PEPD: variants seen among roughly 807,000 people sequenced by gnomAD.
PEPD encodes the protein peptidase D, also known as xaa-Pro dipeptidase.
A neutral mutation model predicts 60.7 loss-of-function variants in PEPD; 53 were observed. The ratio of observed to expected loss-of-function variants is 0.87; its 90% CI spans 0.70 to 1.10. The LOEUF is 1.10. Among genes scored for constraint, PEPD ranks in the 50% least tolerant of loss-of-function variants. The probability of loss-of-function intolerance (pLI) is 0.00; values close to 1 mark genes in which losing one functional copy is unlikely to be tolerated. For missense variants in PEPD, 711 were observed against 711.9 expected (o/e 1.00, Z 0.01); for synonymous variants, 267 against 284.1 (o/e 0.94, Z 0.60).
chr19:33,404,456 A>AC, intron 11 of PEPD, among the ~76,000 whole-genome samples: 1 of 108,028 alleles, frequency 9.3e-6, no homozygotes, highest in East Asian at 2.4e-4. Context: ...TATCGTTTAA[A>AC]AAACAACAAC....
intron 11 of PEPD, among the ~76,000 whole-genome samples, chr19:33,405,585 C>T (rs868168181): frequency 2.0e-5 from 3 of 152,368 alleles, no homozygotes; most frequent in Middle Eastern, 3.4e-3. Context: ...TTCCCTTCAT[C>T]TGCCCCAGTG....
chr19:33,397,003 T>C (rs2145337830), intron 12 of PEPD, among the ~76,000 whole-genome samples: 1 of 152,214 alleles, frequency 6.6e-6, no homozygotes. Context: ...GGGGTCTGCA[T>C]GGGGTGGGCA....
At chr19:33,499,034 T>A (rs1251336475) in intron 4 of PEPD, among the ~76,000 whole-genome samples, 1 of 151,784 alleles carries the variant, frequency 6.6e-6, no homozygotes, top group East Asian at 2.0e-4. Context: ...AAGGAGAGGG[T>A]CGGAAGGAAA....
At chr19:33,441,130 CGAT>C (rs1216557884) in intron 9 of PEPD, among the ~76,000 whole-genome samples, 2 of 152,214 alleles carry the variant, frequency 1.3e-5, no homozygotes, top group Non-Finnish European at 2.9e-5. Context: ...CATCTGGAAA[CGAT>C]GTCTGATCCT....
intron 1 of PEPD, among the ~76,000 whole-genome samples, chr19:33,520,661 C>T (rs1971114342): frequency 6.6e-6 from 1 of 152,138 alleles, no homozygotes; most frequent in Admixed American, 6.5e-5. Context: ...AACTTAGAAC[C>T]CACTTTCTGT....
intron 9 of PEPD, among the ~76,000 whole-genome samples, chr19:33,459,067 G>A (rs1969878728): frequency 6.6e-6 from 1 of 152,036 alleles, no homozygotes; most frequent in Admixed American, 6.6e-5. Context: ...ACTCACAAGG[G>A]ACTGACGGGG....
chr19:33,474,429 ACAC>A (rs1243867929), intron 7 of PEPD, among the ~76,000 whole-genome samples: 11 of 152,260 alleles, frequency 7.2e-5, no homozygotes, highest in African/African-American at 2.7e-4. Flanking sequence ...GCTTAGCACA[ACAC>A]CTTGTACACA....
At chr19:33,432,483 C>T (rs1969294686) in intron 9 of PEPD, among the ~76,000 whole-genome samples, 1 of 152,226 alleles carries the variant, frequency 6.6e-6, no homozygotes, top group South Asian at 2.1e-4. Context: ...CTCAGGTTTC[C>T]ACTGCAGACA....
chr19:33,519,380 T>C (rs950043253), intron 1 of PEPD, among the ~76,000 whole-genome samples: 1 of 152,188 alleles, frequency 6.6e-6, no homozygotes, highest in African/African-American at 2.4e-5. Flanking sequence ...CCTGGAACTC[T>C]CATGGACCCC....
intron 1 of PEPD, among the ~76,000 whole-genome samples, chr19:33,521,447 C>T (rs552648804): frequency 1.3e-5 from 2 of 152,346 alleles, no homozygotes; most frequent in African/African-American, 4.8e-5. Context: ...GGGGTCTTGG[C>T]AGCGAACATG....
chr19:33,511,186 A>G, intron 2 of PEPD, 31 bp from the exon 3 acceptor site: 2 of 1,613,240 alleles, frequency 1.2e-6, no homozygotes, highest in South Asian at 2.2e-5. Flanking sequence ...ATTGTTAGCC[A>G]GTGGAACATG....
At chr19:33,487,749 A>T (rs554139124) in intron 6 of PEPD, among the ~76,000 whole-genome samples, 3 of 152,218 alleles carry the variant, frequency 2.0e-5, no homozygotes, top group Admixed American at 2.0e-4. Context: ...CTCTCCAAAA[A>T]GTGTCCCAGT....
At chr19:33,427,442 T>G (rs565268746) in intron 9 of PEPD, among the ~76,000 whole-genome samples, 7 of 152,148 alleles carry the variant, frequency 4.6e-5, no homozygotes, top group Non-Finnish European at 1.0e-4. Flanking sequence ...CCACTTTGGC[T>G]CCACAGAGGA....
chr19:33,441,492 G>A (rs1053512395), intron 9 of PEPD, among the ~76,000 whole-genome samples: 2 of 152,226 alleles, frequency 1.3e-5, no homozygotes, highest in African/African-American at 2.4e-5. Context: ...AGACCTGCAC[G>A]TCTTTGCGCC....
In PEPD at chr19:33,512,619, TG is replaced by T; in HGVS notation, c.174del (p.Cys58Ter). 1 of 1,613,890 alleles carries T rather than the reference TG, an allele frequency of 6.2e-7. No individual in the cohort carries two copies. On this transcript the variant is annotated frameshift_variant, in exon 2 of 15. Transcript: ENST00000244137. LOFTEE classifies it high-confidence loss of function. Reference sequence around the variant, plus strand: ...TGGCGGAAGAGGACCCCGGTGTCGGTGCAGTAGCGCTGAGTCTCCTCCCCGC... The same window carrying T: ...TGGCGGAAGAGGACCCCGGTGTCGGTCAGTAGCGCTGAGTCTCCTCCCCGC... ...LQGGEETQRY[C>X]TDTGVLFRQE...
chr19:33,458,517 G>T (rs376717026), intron 9 of PEPD, among the ~76,000 whole-genome samples: 4 of 146,296 alleles, frequency 2.7e-5, no homozygotes, highest in Non-Finnish European at 6.0e-5. Flanking sequence ...CGTACATGGC[G>T]CATGATGTGT....
At chr19:33,410,962 C>A (rs1968751309) in intron 11 of PEPD, among the ~76,000 whole-genome samples, 1 of 152,128 alleles carries the variant, frequency 6.6e-6, no homozygotes, top group Non-Finnish European at 1.5e-5. Flanking sequence ...TGCAAGTACT[C>A]ACACACCTCC....
intron 6 of PEPD, among the ~76,000 whole-genome samples, chr19:33,486,259 ACCC>A (rs1264027604): frequency 4.3e-5 from 4 of 93,838 alleles, no homozygotes; most frequent in African/African-American, 1.6e-4. Flanking sequence ...CCCCAAACCA[ACCC>A]CCCATCATGC....
intron 6 of PEPD, among the ~76,000 whole-genome samples, chr19:33,482,556 G>C (rs1392747051): frequency 1.3e-5 from 2 of 152,182 alleles, no homozygotes; most frequent in African/African-American, 4.8e-5. Context: ...CATGTCTGCT[G>C]TCTCCAATTC....
Sources: allele counts gnomAD v4.1 joint callset (sites outside exome capture counted in the v4.1 genomes callset), GRCh38; gene constraint gnomAD v4.1.1; transcripts MANE v1.5; gene names NCBI Gene and HGNC (gene_info 2026-07-23, HGNC 2026-07-21).